DACH2: variants seen among roughly 807,000 people sequenced by gnomAD.
The protein encoded by DACH2 is dachshund homolog 2.
In DACH2, 17 loss-of-function variants were observed where a neutral mutation model predicts 35.8. That is an observed-to-expected ratio of 0.48 (90% CI 0.33 to 0.71). DACH2 has a LOEUF of 0.71. Ranked by LOEUF, DACH2 falls within the 30% of genes least tolerant of loss-of-function variation. The pLI, the probability that DACH2 is intolerant of heterozygous loss-of-function variation, is 0.02. For synonymous variants in DACH2, 195 were observed against 177.3 expected (o/e 1.10, Z -0.79); for missense variants, 469 against 472.7 (o/e 0.99, Z 0.07).
At chrX:86,549,462 TA>T (rs2039018521) in intron 3 of DACH2, among the ~76,000 whole-genome samples, 1 of 111,359 alleles carries the variant, frequency 9.0e-6, no homozygotes, top group Non-Finnish European at 1.9e-5. Flanking sequence ...ATGGAATATT[TA>T]AAATCTTATT....
intron 2 of DACH2, among the ~76,000 whole-genome samples, chrX:86,456,239 C>CTT (rs1435457093): frequency 1.8e-5 from 2 of 112,459 alleles, no homozygotes; most frequent in Admixed American, 1.9e-4. Flanking sequence ...TCATTTTTCT[C>CTT]TGAGTGCTGT....
At chrX:86,679,971 C>G (rs1272054251) in intron 4 of DACH2, among the ~76,000 whole-genome samples, 1 of 111,125 alleles carries the variant, frequency 9.0e-6, no homozygotes, top group Non-Finnish European at 1.9e-5. Flanking sequence ...ATTAGTGATT[C>G]ACAAGATTTT....
chrX:86,733,464 C>T (rs2041555979), intron 6 of DACH2, among the ~76,000 whole-genome samples: 1 of 111,858 alleles, frequency 8.9e-6, no homozygotes, highest in South Asian at 3.7e-4. Context: ...ATAGCTATAA[C>T]ATGAATTGGA....
At chrX:86,314,856 C>T (rs766398212) in intron 1 of DACH2, among the ~76,000 whole-genome samples, 4 of 111,950 alleles carry the variant, frequency 3.6e-5, no homozygotes, top group East Asian at 5.6e-4. Flanking sequence ...AAGATGGAAG[C>T]TAGCCAAAGT....
rs1024982122 is a variant in DACH2 at position 86,821,488 on chromosome X, TAC to T, written c.1750+5391_1750+5392del. Among the ~76,000 whole-genome samples the T allele has an allele frequency of 8.1e-5, 9 of 111,357 alleles. 1 individual carries two copies. Among genetic ancestry groups the T allele is most frequent in the Admixed American group, 5.7e-4 (6 of 10,456 alleles). ...TCTAAAGCAGCAAAAATTTTTTCTG[TAC>T]AGTTTATTAAATGGCCTGTGTCTTT... On this transcript the variant is annotated intron_variant, in intron 11 of 11. Coordinates refer to ENST00000373125, the MANE Select transcript of DACH2 (RefSeq NM_053281.3).
chrX:86,297,866 G>A (rs1021808981), intron 1 of DACH2, among the ~76,000 whole-genome samples: 34 of 111,720 alleles, frequency 3.0e-4, no homozygotes, highest in East Asian at 2.8e-4. Context: ...GAAAGTGACC[G>A]CTATTAATAA....
chrX:86,328,074 C>T (rs1041357463), intron 1 of DACH2, among the ~76,000 whole-genome samples: 2 of 110,625 alleles, frequency 1.8e-5, no homozygotes, highest in Admixed American at 9.7e-5. Flanking sequence ...TTTCATTTCT[C>T]ATCAGAAATA....
chrX:86,263,545 G>A (rs2033663566), intron 1 of DACH2, among the ~76,000 whole-genome samples: 1 of 111,348 alleles, frequency 9.0e-6, no homozygotes, highest in African/African-American at 3.3e-5. Context: ...TGAATAAATT[G>A]AATATTAAGG....
intron 4 of DACH2, among the ~76,000 whole-genome samples, chrX:86,672,873 A>G (rs1461813954): frequency 9.0e-5 from 10 of 111,635 alleles, no homozygotes; most frequent in Non-Finnish European, 1.9e-4. Context: ...TAGTAGATCC[A>G]CTGACGACTT....
intron 2 of DACH2, among the ~76,000 whole-genome samples, chrX:86,498,101 A>T (rs2038198371): frequency 8.9e-6 from 1 of 111,841 alleles, no homozygotes; most frequent in Admixed American, 9.5e-5. Context: ...CAGAGAGAGG[A>T]TGTCTTTTTA....
chrX:86,617,344 T>C (rs893065187), intron 3 of DACH2, among the ~76,000 whole-genome samples: 10 of 111,039 alleles, frequency 9.0e-5, no homozygotes, highest in African/African-American at 2.9e-4. Flanking sequence ...GGAATAGCAT[T>C]GAGTCTGTAA....
intron 1 of DACH2, among the ~76,000 whole-genome samples, chrX:86,200,790 T>C (rs1454082391): frequency 9.0e-6 from 1 of 111,070 alleles, no homozygotes; most frequent in Non-Finnish European, 1.9e-5. Context: ...AAAAATAACA[T>C]GCTGGCAAGG....
intron 1 of DACH2, among the ~76,000 whole-genome samples, chrX:86,363,604 T>C (rs113492141): frequency 0.053 from 5,926 of 111,587 alleles, 185 homozygotes; most frequent in East Asian, 0.23. Context: ...TAAATATACA[T>C]GATTGCTTTC....
intron 7 of DACH2, among the ~76,000 whole-genome samples, chrX:86,810,998 A>G (rs1017876042): frequency 4.5e-5 from 5 of 112,216 alleles, no homozygotes; most frequent in Admixed American, 3.8e-4. Context: ...TCAAAGCTTT[A>G]CTAAAAAATA....
At chrX:86,525,797 A>T (rs1166101045) in intron 3 of DACH2, among the ~76,000 whole-genome samples, 2 of 111,278 alleles carry the variant, frequency 1.8e-5, no homozygotes, top group African/African-American at 3.3e-5. Context: ...AACCATCCCC[A>T]AATGAGAGAT....
At chrX:86,330,982 T>C in intron 1 of DACH2, among the ~76,000 whole-genome samples, 1 of 111,687 alleles carries the variant, frequency 9.0e-6, no homozygotes, top group East Asian at 2.8e-4. Context: ...ACATGAAATT[T>C]TACTTTAAGA....
At chrX:86,629,233 G>A (rs930419283) in intron 3 of DACH2, among the ~76,000 whole-genome samples, 1 of 111,069 alleles carries the variant, frequency 9.0e-6, no homozygotes, top group Non-Finnish European at 1.9e-5. Context: ...TCAGAAATTA[G>A]GAGTGTTTTG....
chrX:86,615,621 C>T (rs772188206), intron 3 of DACH2, among the ~76,000 whole-genome samples: 32 of 110,804 alleles, frequency 2.9e-4, no homozygotes, highest in Middle Eastern at 9.4e-3. Flanking sequence ...AAGTGAGAAC[C>T]CTGAAGATTT....
intron 7 of DACH2, among the ~76,000 whole-genome samples, chrX:86,746,448 A>G (rs986257170): frequency 1.8e-5 from 2 of 111,486 alleles, no homozygotes; most frequent in Non-Finnish European, 3.8e-5. Context: ...TAGCTAGACT[A>G]ATGTTTGCGA....
Sources: allele counts gnomAD v4.1 joint callset (sites outside exome capture counted in the v4.1 genomes callset), GRCh38; gene constraint gnomAD v4.1.1; transcripts MANE v1.5; gene names NCBI Gene and HGNC (gene_info 2026-07-23, HGNC 2026-07-21).